The following UEVLD variants were observed in gnomAD, a reference collection of about 807,000 sequenced individuals.
UEVLD encodes UEV and lactate/malate dehyrogenase domains, also known as ubiquitin-conjugating enzyme E2 variant 3.
Under a neutral mutation model 58.6 loss-of-function variants are expected in UEVLD, and 47 were observed. The ratio of observed to expected loss-of-function variants is 0.80; its 90% CI spans 0.63 to 1.02. UEVLD has a LOEUF of 1.02. UEVLD is among the 50% of genes least tolerant of loss of function. The pLI is 0.00. For synonymous variants in UEVLD, 197 were observed against 195.3 expected, an observed-to-expected ratio of 1.01 and a Z score of -0.07; for missense variants, 510 against 550.6, an observed-to-expected ratio of 0.93 and a Z score of 0.74.
Position 18,554,878 on chromosome 11 carries a change from T to A in UEVLD, c.715+3350A>T, listed in dbSNP as rs552125251. On this transcript the variant is annotated intron_variant, in intron 7 of 11. Coordinates refer to ENST00000396197, the MANE Select transcript of UEVLD (RefSeq NM_001040697.4). ...TCAGTCAGCTGCAGTCATCTATGTG[T>A]GTTACAATGGGGCATTACTAAAATT... Among the ~76,000 whole-genome samples the A allele has an allele frequency of 1.3e-3, 193 of 152,338 alleles. 1 individual carries two copies. Among genetic ancestry groups the A allele is most frequent in the African/African-American group, 4.4e-3 (183 of 41,576 alleles).
intron 7 of UEVLD, among the ~76,000 whole-genome samples, chr11:18,556,554 T>C (rs938226336): frequency 2.0e-5 from 3 of 152,296 alleles, no homozygotes; most frequent in Non-Finnish European, 4.4e-5. Flanking sequence ...AAAGGGGACC[T>C]AAGGAAAGGC....
In UEVLD at chr11:18,530,293, CT is replaced by C. The variant is rs1285488031; in HGVS notation, c.*2026del. 1.3e-5 allele frequency: 2 copies of C among 152,150 alleles called. No homozygotes were observed. The highest frequency in any genetic ancestry group is 2.9e-5 in the Non-Finnish European group (2 of 68,020). 9.4% of individuals were successfully genotyped at this position (152,150 alleles called of 1,614,324 possible). ...TATTGAAATTAGATAGAACTAAATG[CT>C]TTTCTCTTCAAATGTCCAAGGTTTT... is the stretch of plus-strand genomic sequence containing the variant. On this transcript the variant is annotated 3_prime_UTR_variant, in exon 12 of 12. Transcript: ENST00000396197.
chr11:18,561,607 C>T (rs759201004), intron 6 of UEVLD, among the ~76,000 whole-genome samples: 3 of 151,778 alleles, frequency 2.0e-5, no homozygotes, highest in Non-Finnish European at 2.9e-5. Context: ...TTTGGGAGGC[C>T]GAGGCGGGCA....
At chr11:18,563,464 G>T (rs895350721) in intron 6 of UEVLD, among the ~76,000 whole-genome samples, 1 of 151,958 alleles carries the variant, frequency 6.6e-6, no homozygotes, top group African/African-American at 2.4e-5. Flanking sequence ...GGTTGCTGGC[G>T]CCTGTAAGCC....
Position 18,566,502 on chromosome 11 carries a change from C to A in UEVLD, c.358-20G>T. ...TTTAGGCTGTAGAATACACAAAAAA[C>A]AGAAAAGTTACACAAAAATTTTGCT... On this transcript the variant is annotated intron_variant, in intron 4 of 11. Transcript: ENST00000396197. The A allele has an allele frequency of 6.2e-7, 1 of 1,608,878 alleles. No individual in the cohort carries two copies. Among genetic ancestry groups the A allele is most frequent in the Middle Eastern group, 1.7e-4 (1 of 6,056 alleles).
At chr11:18,575,312 G>A in intron 3 of UEVLD, 35 bp downstream of exon 3, 1 of 1,574,088 alleles carries the variant, frequency 6.4e-7, no homozygotes, top group Non-Finnish European at 8.6e-7. Flanking sequence ...TGCTCTTTTA[G>A]AAAACTCACA....
At chr11:18,584,003 G>A (rs890080335) in intron 1 of UEVLD, among the ~76,000 whole-genome samples, 20 of 152,028 alleles carry the variant, frequency 1.3e-4, no homozygotes, top group African/African-American at 3.9e-4. Context: ...GCCTCTCCGA[G>A]GTAACTCAGC....
chr11:18,585,935 C>T (rs1005209429), intron 1 of UEVLD, among the ~76,000 whole-genome samples: 2 of 152,102 alleles, frequency 1.3e-5, no homozygotes, highest in African/African-American at 4.8e-5. Flanking sequence ...ACACCCAGCC[C>T]TCATATCTAT....
chr11:18,546,288 ATCT>A (rs1022243868), intron 8 of UEVLD, among the ~76,000 whole-genome samples: 1 of 152,184 alleles, frequency 6.6e-6, no homozygotes, highest in Non-Finnish European at 1.5e-5. Context: ...GAGTTTAAAC[ATCT>A]TCTCACTGAG....
At chr11:18,568,859 C>T (rs138234853) in intron 4 of UEVLD, among the ~76,000 whole-genome samples, 105 of 152,168 alleles carry the variant, frequency 6.9e-4, no homozygotes, top group African/African-American at 2.4e-3. Context: ...CCAATATACC[C>T]CTGTCCTCCA....
At chr11:18,568,343 A>G (rs1852401375) in intron 4 of UEVLD, among the ~76,000 whole-genome samples, 1 of 152,232 alleles carries the variant, frequency 6.6e-6, no homozygotes, top group South Asian at 2.1e-4. Context: ...AATTCCTGCA[A>G]CATGGTACAG....
rs61884717 is a variant in UEVLD at position 18,554,269 on chromosome 11, T to C, written c.715+3959A>G. Reference sequence around the variant, plus strand: ...ACCACATCTGGCTAATTTTTGTATTTTTAGTACAGATGGGGTTTCTCCATG... The same window carrying C: ...ACCACATCTGGCTAATTTTTGTATTCTTAGTACAGATGGGGTTTCTCCATG... On this transcript the variant is annotated intron_variant, in intron 7 of 11. Transcript: ENST00000396197. Among the ~76,000 whole-genome samples the C allele has an allele frequency of 7.8e-3, 1,185 of 152,216 alleles. 5 individuals carry two copies. Among genetic ancestry groups the C allele is most frequent in the Non-Finnish European group, 0.012 (797 of 68,006 alleles).
At chr11:18,547,548 CA>C (rs1851354055) in intron 7 of UEVLD, among the ~76,000 whole-genome samples, 1 of 152,020 alleles carries the variant, frequency 6.6e-6, no homozygotes, top group Admixed American at 6.6e-5. Context: ...AGTGTATCCC[CA>C]GGGGGGAAGA....
At chr11:18,566,271 G>A in intron 5 of UEVLD, 76 bp downstream of exon 5, 1 of 1,564,552 alleles carries the variant, frequency 6.4e-7, no homozygotes, top group Non-Finnish European at 8.7e-7. Flanking sequence ...AAATCAAGTG[G>A]CAGAAAGTAA....
intron 8 of UEVLD, among the ~76,000 whole-genome samples, chr11:18,545,746 A>T (rs981429947): frequency 6.6e-6 from 1 of 152,192 alleles, no homozygotes; most frequent in African/African-American, 2.4e-5. Flanking sequence ...TGCCTGGTCA[A>T]ATTTTATTGT....
At chr11:18,556,704 A>G (rs1047777230) in intron 7 of UEVLD, among the ~76,000 whole-genome samples, 1 of 152,110 alleles carries the variant, frequency 6.6e-6, no homozygotes, top group African/African-American at 2.4e-5. Flanking sequence ...AAATACTTTC[A>G]ACTCCACATC....
chr11:18,570,291 T>G lies in UEVLD; in HGVS notation c.280A>C (p.Asn94His). The change falls in exon 4 of 12, where the codon AAT becomes CAT. Residue 94 changes from asparagine (N) to histidine (H), a missense_variant. By Grantham distance (68) the Asn-to-His change is moderately conservative (BLOSUM62 1). Coordinates refer to ENST00000396197, the MANE Select transcript of UEVLD (RefSeq NM_001040697.4). ...PPICFLKPTA[N>H]MGILVGKHVD... is the part of the protein sequence containing the mutation. ...TGTTTTCCGACTAAGATTCCCATAT[T>G]TGCAGTTGGCTTCAAGAAGCAAATA... is the stretch of plus-strand genomic sequence containing the variant. 1 of 1,596,318 alleles carries G rather than the reference T, an allele frequency of 6.3e-7. No individual in the cohort carries two copies. Among genetic ancestry groups the G allele is most frequent in the Non-Finnish European group, 8.5e-7 (1 of 1,175,178 alleles).
chr11:18,581,791 C>T (rs1202384187), intron 1 of UEVLD, among the ~76,000 whole-genome samples: 3 of 152,118 alleles, frequency 2.0e-5, no homozygotes, highest in African/African-American at 7.2e-5. Context: ...AATCGTCTTT[C>T]CCTCATTGTT....
At chr11:18,534,797 C>G (rs1187397971) in intron 10 of UEVLD, among the ~76,000 whole-genome samples, 1 of 152,190 alleles carries the variant, frequency 6.6e-6, no homozygotes, top group African/African-American at 2.4e-5. Context: ...TGTAAACAGG[C>G]ATTCTCATAA....
Sources: allele counts gnomAD v4.1 joint callset (sites outside exome capture counted in the v4.1 genomes callset), GRCh38; gene constraint gnomAD v4.1.1; transcripts MANE v1.5; gene names NCBI Gene and HGNC (gene_info 2026-07-23, HGNC 2026-07-21).